The following PDE1C variants were observed in gnomAD, a reference collection of about 807,000 sequenced individuals.
The protein encoded by PDE1C is phosphodiesterase 1C.
Under a neutral mutation model 93.1 loss-of-function variants are expected in PDE1C, and 62 were observed. The observed-to-expected ratio is 0.67, with a 90% CI of 0.54 to 0.82. The LOEUF (loss-of-function observed/expected upper bound fraction) is 0.82, where lower values mean the gene tolerates loss of function less well. Ranked by LOEUF, PDE1C falls within the 40% of genes least tolerant of loss-of-function variation. The pLI is 0.00. For synonymous variants in PDE1C, 325 were observed against 310.1 expected, an observed-to-expected ratio of 1.05 and a Z score of -0.50; for missense variants, 742 against 884.6, an observed-to-expected ratio of 0.84 and a Z score of 2.04.
intron 2 of PDE1C, among the ~76,000 whole-genome samples, chr7:31,962,672 T>C (rs1036830763): frequency 6.6e-6 from 1 of 152,138 alleles, no homozygotes; most frequent in African/African-American, 2.4e-5. Flanking sequence ...GAAGGGAAGA[T>C]GGCTAACAGA....
intron 2 of PDE1C, among the ~76,000 whole-genome samples, chr7:31,914,018 TACAGTTAATCTGGTTTAGGTCC>T (rs1801580316): frequency 6.6e-6 from 1 of 152,202 alleles, no homozygotes; most frequent in Non-Finnish European, 1.5e-5. Context: ...TGACATGCCA[TACAGTTAATCTGGTTTAGGTCC>T]AAGGTAAAAA....
chr7:32,272,865 T>C (rs1290203414), intron 1 of PDE1C, among the ~76,000 whole-genome samples: 1 of 152,242 alleles, frequency 6.6e-6, no homozygotes, highest in Non-Finnish European at 1.5e-5. Flanking sequence ...GCAGAGCTAT[T>C]CTTATTGTGT....
At chr7:32,163,131 A>G (rs1802022945) in intron 3 of PDE1C, among the ~76,000 whole-genome samples, 1 of 152,232 alleles carries the variant, frequency 6.6e-6, no homozygotes, top group South Asian at 2.1e-4. Context: ...TCAGGAGAGT[A>G]GGTGTCCCCA....
At chr7:31,656,318 C>G in the PDE1C span, 1 of 203,530 alleles carries the variant, frequency 4.9e-6, no homozygotes, top group Non-Finnish European at 8.7e-6. Flanking sequence ...GGCACTTGCT[C>G]TCTTTACCCT....
intron 17 of PDE1C, among the ~76,000 whole-genome samples, chr7:31,765,131 A>G (rs1270775059): frequency 1.3e-5 from 2 of 152,148 alleles, no homozygotes; most frequent in African/African-American, 4.8e-5. Context: ...GCACTGAGAC[A>G]TATTTTTTGA....
chr7:32,271,388 G>T (rs1036361119), intron 1 of PDE1C, among the ~76,000 whole-genome samples: 20 of 152,214 alleles, frequency 1.3e-4, no homozygotes, highest in African/African-American at 4.1e-4. Flanking sequence ...GTAATGCCAC[G>T]CTATTCTAGA....
intron 16 of PDE1C, among the ~76,000 whole-genome samples, chr7:31,776,114 GGAT>G (rs1334110253): frequency 2.0e-5 from 3 of 152,214 alleles, no homozygotes; most frequent in African/African-American, 4.8e-5. Flanking sequence ...TGTGCATCCA[GGAT>G]GGAACAGGAT....
At position 31,790,655 on chromosome 7, in the gene PDE1C, T is replaced by C. The variant is rs116266891; in HGVS notation, c.1892-14923A>G. Among the ~76,000 whole-genome samples the C allele has an allele frequency of 3.8e-3, 572 of 152,168 alleles. 4 individuals are homozygous for C. Among genetic ancestry groups the C allele is most frequent in the African/African-American group, 0.013 (536 of 41,524 alleles). On this transcript the variant is annotated intron_variant, in intron 16 of 17. Coordinates refer to ENST00000396191, the MANE Select transcript of PDE1C (RefSeq NM_001191057.4). ...TCATCTAATCCCAACTGTTTTCATA[T>C]CAAAAGCAATACTCCTCCCTCTCAG... is the stretch of plus-strand genomic sequence containing the variant.
chr7:31,879,257 C>G, intron 3 of PDE1C, 79 bp from the exon 4 acceptor site: 1 of 1,369,004 alleles, frequency 7.3e-7, no homozygotes, highest in Non-Finnish European at 9.9e-7. Context: ...CTGCTCCTCT[C>G]TGCCTCACCT....
At chr7:32,255,874 T>C (rs747633109) in intron 1 of PDE1C, among the ~76,000 whole-genome samples, 1 of 152,118 alleles carries the variant, frequency 6.6e-6, no homozygotes, top group Non-Finnish European at 1.5e-5. Context: ...AAAGGGCTGG[T>C]GGACTATGGT....
At chr7:32,202,292 G>A (rs1391536978) in intron 2 of PDE1C, among the ~76,000 whole-genome samples, 1 of 152,176 alleles carries the variant, frequency 6.6e-6, no homozygotes, top group Non-Finnish European at 1.5e-5. Flanking sequence ...CATTCAAAAA[G>A]AGAAGGCAGA....
intron 2 of PDE1C, among the ~76,000 whole-genome samples, chr7:31,893,039 A>G (rs1043683268): frequency 3.3e-5 from 5 of 152,204 alleles, no homozygotes; most frequent in Non-Finnish European, 5.9e-5. Context: ...ATATACAATT[A>G]TTGTCAGCTT....
At chr7:31,992,452 C>G (rs1168839662) in intron 2 of PDE1C, among the ~76,000 whole-genome samples, 3 of 152,140 alleles carry the variant, frequency 2.0e-5, no homozygotes, top group Non-Finnish European at 4.4e-5. Flanking sequence ...CTGGGACTTC[C>G]CAAACAAATG....
chr7:32,128,095 T>C (rs564584340), intron 3 of PDE1C, among the ~76,000 whole-genome samples: 4 of 151,926 alleles, frequency 2.6e-5, no homozygotes, highest in South Asian at 2.1e-4. Flanking sequence ...TGTAAGAAAG[T>C]GTGGCATTTA....
chr7:32,193,815 C>G (rs969822254), intron 2 of PDE1C, among the ~76,000 whole-genome samples: 1 of 151,442 alleles, frequency 6.6e-6, no homozygotes, highest in African/African-American at 2.4e-5. Context: ...TTATTACATA[C>G]TACACTTTCT....
chr7:31,882,394 C>G (rs1427845817), intron 2 of PDE1C, among the ~76,000 whole-genome samples: 1 of 152,014 alleles, frequency 6.6e-6, no homozygotes. Flanking sequence ...GGATAGCCAG[C>G]CTGCCAAAGA....
downstream of PDE1C, among the ~76,000 whole-genome samples, chr7:31,748,930 A>G (rs1794061571): frequency 6.6e-6 from 1 of 152,234 alleles, no homozygotes; most frequent in South Asian, 2.1e-4. Flanking sequence ...ATTGCAGCCA[A>G]TGGGAAAACA....
chr7:31,736,907 A>G, the PDE1C span, among the ~76,000 whole-genome samples: 47 of 152,172 alleles, frequency 3.1e-4, no homozygotes, highest in African/African-American at 1.1e-3. Context: ...TCTAATTACA[A>G]ACTAGTTGTT....
At chr7:32,082,001 AT>A (rs1388695729) in intron 3 of PDE1C, among the ~76,000 whole-genome samples, 2 of 152,172 alleles carry the variant, frequency 1.3e-5, no homozygotes, top group African/African-American at 4.8e-5. Flanking sequence ...GGAGTGCCAG[AT>A]AGTGGGTGCA....
Sources: allele counts gnomAD v4.1 joint callset (sites outside exome capture counted in the v4.1 genomes callset), GRCh38; gene constraint gnomAD v4.1.1; transcripts MANE v1.5; gene names NCBI Gene and HGNC (gene_info 2026-07-23, HGNC 2026-07-21).